The following CLSTN2 variants were observed in gnomAD, a reference collection of about 807,000 sequenced individuals.
CLSTN2 encodes the protein calsyntenin-2.
A neutral mutation model predicts 101.2 loss-of-function variants in CLSTN2; 48 were observed. That is an observed-to-expected ratio of 0.47 (90% confidence interval 0.38 to 0.60). CLSTN2 has a LOEUF of 0.60. Ranked by LOEUF, CLSTN2 falls within the 20% of genes least tolerant of loss-of-function variation. The pLI, the probability that CLSTN2 is intolerant of heterozygous loss-of-function variation, is 0.00. For missense variants in CLSTN2, 1,160 were observed against 1,238.2 expected, an observed-to-expected ratio of 0.94 and a Z score of 0.95; for synonymous variants, 481 against 463.6, an observed-to-expected ratio of 1.04 and a Z score of -0.48.
At chr3:140,494,087 A>G (rs745767954) in intron 8 of CLSTN2, among the ~76,000 whole-genome samples, 3 of 152,232 alleles carry the variant, frequency 2.0e-5, no homozygotes, top group Non-Finnish European at 4.4e-5. Context: ...AATTTTATGG[A>G]CATAATAAGA....
At chr3:140,135,538 C>G (rs1337135928) in intron 1 of CLSTN2, among the ~76,000 whole-genome samples, 1 of 152,122 alleles carries the variant, frequency 6.6e-6, no homozygotes, top group African/African-American at 2.4e-5. Context: ...AACTAAACTT[C>G]TAGGAATGTC....
chr3:140,222,511 G>A (rs2086282799), intron 2 of CLSTN2, among the ~76,000 whole-genome samples: 1 of 152,062 alleles, frequency 6.6e-6, no homozygotes, highest in African/African-American at 2.4e-5. Context: ...AATGCTTGAG[G>A]AATTGACATC....
intron 1 of CLSTN2, among the ~76,000 whole-genome samples, chr3:140,053,101 G>A (rs889791784): frequency 8.5e-5 from 13 of 152,204 alleles, no homozygotes; most frequent in South Asian, 8.3e-4. Flanking sequence ...TGTCATTCTC[G>A]GGTGAGGGAG....
intron 5 of CLSTN2, among the ~76,000 whole-genome samples, chr3:140,444,858 C>T (rs923915050): frequency 5.3e-5 from 8 of 152,234 alleles, no homozygotes; most frequent in African/African-American, 1.9e-4. Context: ...TTTTTAAGAA[C>T]GATGCTATCC....
At chr3:140,390,665 A>T (rs1018112708) in intron 2 of CLSTN2, among the ~76,000 whole-genome samples, 3 of 152,148 alleles carry the variant, frequency 2.0e-5, no homozygotes, top group Admixed American at 1.3e-4. Context: ...TTCATGCCTT[A>T]TTCTTTATGA....
chr3:140,277,550 A>G (rs1428256907), intron 2 of CLSTN2, among the ~76,000 whole-genome samples: 1 of 152,220 alleles, frequency 6.6e-6, no homozygotes, highest in Non-Finnish European at 1.5e-5. Context: ...AGTCTGAAGA[A>G]TCTTCTATTC....
intron 8 of CLSTN2, among the ~76,000 whole-genome samples, chr3:140,529,585 A>T (rs1029340850): frequency 6.6e-6 from 1 of 152,232 alleles, no homozygotes; most frequent in Non-Finnish European, 1.5e-5. Context: ...CAGTTCTAGC[A>T]GAGGGTCAAT....
chr3:140,326,198 G>A (rs1305141849), intron 2 of CLSTN2, among the ~76,000 whole-genome samples: 3 of 152,140 alleles, frequency 2.0e-5, no homozygotes, highest in Non-Finnish European at 2.9e-5. Flanking sequence ...ATACTTCCCA[G>A]TTTCTTAAGT....
At chr3:140,109,500 T>C (rs1304508114) in intron 1 of CLSTN2, among the ~76,000 whole-genome samples, 3 of 152,202 alleles carry the variant, frequency 2.0e-5, no homozygotes, top group East Asian at 3.9e-4. Flanking sequence ...TCTCCCTTCC[T>C]GTTGGCTCTG....
chr3:140,440,859 C>T (rs983575566), intron 5 of CLSTN2, among the ~76,000 whole-genome samples: 10 of 152,168 alleles, frequency 6.6e-5, no homozygotes, highest in Non-Finnish European at 1.3e-4. Context: ...TAAGGCAGGA[C>T]CAGCTGCATA....
intron 2 of CLSTN2, among the ~76,000 whole-genome samples, chr3:140,229,681 A>G (rs1330057105): frequency 6.6e-6 from 1 of 151,990 alleles, no homozygotes; most frequent in African/African-American, 2.4e-5. Context: ...GCTCACTCTG[A>G]TAGGCTTAAA....
chr3:140,427,117 A>G (rs2107994917), intron 5 of CLSTN2, among the ~76,000 whole-genome samples: 1 of 143,376 alleles, frequency 7.0e-6, no homozygotes, highest in East Asian at 2.0e-4. Flanking sequence ...TGGAGGTTGC[A>G]GTTAGCCAGT....
At chr3:140,013,594 C>G (rs909934653) in intron 1 of CLSTN2, among the ~76,000 whole-genome samples, 3 of 152,126 alleles carry the variant, frequency 2.0e-5, no homozygotes, top group African/African-American at 7.2e-5. Flanking sequence ...TATGAACACA[C>G]AATGCTACAT....
chr3:140,248,107 A>G (rs572431595), intron 2 of CLSTN2, among the ~76,000 whole-genome samples: 1 of 152,328 alleles, frequency 6.6e-6, no homozygotes, highest in Admixed American at 6.5e-5. Context: ...GTGTGATGGG[A>G]TCTTCAAAGA....
At chr3:140,099,658 T>C (rs2008932212) in intron 1 of CLSTN2, among the ~76,000 whole-genome samples, 2 of 152,276 alleles carry the variant, frequency 1.3e-5, no homozygotes, top group South Asian at 4.2e-4. Context: ...CTGGGTCCCA[T>C]AGTCCCTCTG....
At chr3:140,149,785 G>A (rs888022712) in intron 1 of CLSTN2, among the ~76,000 whole-genome samples, 2 of 152,156 alleles carry the variant, frequency 1.3e-5, no homozygotes. Context: ...GTAGAACCAT[G>A]TCCAGACTAT....
At chr3:140,558,528 G>A (rs547689752) in intron 11 of CLSTN2, 112 bp from the exon 12 acceptor site, 12 of 731,812 alleles carry the variant, frequency 1.6e-5, no homozygotes, top group African/African-American at 1.1e-4. Context: ...AGACACTTAC[G>A]CAGTCACGAT....
At chr3:140,378,471 T>C (rs1400083865) in intron 2 of CLSTN2, among the ~76,000 whole-genome samples, 1 of 152,200 alleles carries the variant, frequency 6.6e-6, no homozygotes, top group Non-Finnish European at 1.5e-5. Flanking sequence ...TTTCCATAGG[T>C]GAAGAGTGTT....
chr3:140,122,711 G>A (rs1019029899), intron 1 of CLSTN2, among the ~76,000 whole-genome samples: 1 of 152,166 alleles, frequency 6.6e-6, no homozygotes, highest in South Asian at 2.1e-4. Flanking sequence ...CCCAAGTGAT[G>A]GGCCTGCCTC....
Sources: gnomAD v4.1 joint callset for allele counts (sites outside exome capture counted in the v4.1 genomes callset) on GRCh38, gnomAD v4.1.1 for gene constraint, MANE v1.5 for transcripts, NCBI Gene and HGNC (gene_info 2026-07-23, HGNC 2026-07-21) for gene names.